The following DLGAP1 variants were observed in gnomAD, a reference collection of about 807,000 sequenced individuals.
The protein encoded by DLGAP1 is DLG associated protein 1.
DLGAP1 carries 11 observed loss-of-function variants against 90.8 expected under a neutral mutation model. That is an observed-to-expected ratio of 0.12 (90% CI 0.08 to 0.20). The LOEUF (loss-of-function observed/expected upper bound fraction) is 0.20. DLGAP1 is among the 10% of genes least tolerant of loss of function. The pLI is 1.00. For missense variants in DLGAP1, 1,050 were observed against 1,333.8 expected (o/e 0.79, Z 3.31); for synonymous variants, 558 against 540.7 (o/e 1.03, Z -0.44).
chr18:4,282,471 A>G (rs2079577891), intron 1 of DLGAP1, among the ~76,000 whole-genome samples: 1 of 152,134 alleles, frequency 6.6e-6, no homozygotes, highest in South Asian at 2.1e-4. Context: ...AACACATATT[A>G]TAATACATAA....
chr18:3,791,655 C>T (rs1460501215), intron 5 of DLGAP1, among the ~76,000 whole-genome samples: 3 of 152,154 alleles, frequency 2.0e-5, no homozygotes, highest in Non-Finnish European at 4.4e-5. Flanking sequence ...GCATTATACA[C>T]AGTCATGTAT....
At chr18:3,613,769 T>TG (rs2145929584) in intron 7 of DLGAP1, among the ~76,000 whole-genome samples, 1 of 152,354 alleles carries the variant, frequency 6.6e-6, no homozygotes, top group African/African-American at 2.4e-5. Flanking sequence ...AGTTTTATGC[T>TG]TCATTTTATT....
intron 1 of DLGAP1, among the ~76,000 whole-genome samples, chr18:4,441,912 G>A (rs912364410): frequency 4.6e-5 from 7 of 152,214 alleles, no homozygotes; most frequent in Non-Finnish European, 1.0e-4. Flanking sequence ...AGCGCTAACA[G>A]ACCTTCGTTC....
At chr18:3,511,566 A>C (rs1344509168) in intron 10 of DLGAP1, among the ~76,000 whole-genome samples, 6 of 152,070 alleles carry the variant, frequency 3.9e-5, no homozygotes, top group Non-Finnish European at 5.9e-5. Flanking sequence ...GAAAAAAAAA[A>C]AACAGTTGGC....
intron 1 of DLGAP1, among the ~76,000 whole-genome samples, chr18:4,412,957 G>A (rs1044278606): frequency 1.3e-5 from 2 of 152,180 alleles, no homozygotes; most frequent in African/African-American, 4.8e-5. Context: ...CAGATCGGAG[G>A]GGATGCTATT....
At chr18:4,221,720 C>T (rs529534064) in intron 1 of DLGAP1, among the ~76,000 whole-genome samples, 159 of 152,196 alleles carry the variant, frequency 1.0e-3, no homozygotes, top group Middle Eastern at 3.4e-3. Flanking sequence ...TTTTTTACTG[C>T]CTCATACTTT....
chr18:4,385,708 C>G (rs1241250111), intron 1 of DLGAP1, among the ~76,000 whole-genome samples: 2 of 152,082 alleles, frequency 1.3e-5, no homozygotes, highest in East Asian at 3.9e-4. Context: ...ACTTCTAAAA[C>G]AAGATACATA....
At chr18:3,745,329 T>C (rs2147741611) in intron 5 of DLGAP1, among the ~76,000 whole-genome samples, 1 of 152,266 alleles carries the variant, frequency 6.6e-6, no homozygotes, top group East Asian at 1.9e-4. Flanking sequence ...CACTTGAAAA[T>C]GGTGAATTAT....
intron 3 of DLGAP1, among the ~76,000 whole-genome samples, chr18:3,949,621 C>G (rs76325846): frequency 6.6e-6 from 1 of 151,974 alleles, no homozygotes; most frequent in Admixed American, 6.6e-5. Flanking sequence ...ACCAGCAGAG[C>G]GCCTCTTTGT....
intron 12 of DLGAP1, among the ~76,000 whole-genome samples, chr18:3,500,321 G>A (rs1285592784): frequency 1.3e-5 from 2 of 152,182 alleles, no homozygotes; most frequent in East Asian, 3.9e-4. Context: ...AGGATTTTTA[G>A]GCAAAGAAGG....
chr18:4,264,031 A>G (rs1383826923), intron 1 of DLGAP1, among the ~76,000 whole-genome samples: 2 of 152,350 alleles, frequency 1.3e-5, no homozygotes, highest in South Asian at 2.1e-4. Flanking sequence ...ATAAATATAA[A>G]TAAGTCATAT....
chr18:4,344,514 G>A (rs1195282183), intron 1 of DLGAP1, among the ~76,000 whole-genome samples: 7 of 152,206 alleles, frequency 4.6e-5, no homozygotes, highest in African/African-American at 1.2e-4. Context: ...AGAGTTTACA[G>A]ATGAGAAACT....
In DLGAP1 at chr18:3,646,637, T is replaced by C. The variant is rs551534795; in HGVS notation, c.1592-64389A>G. Among the ~76,000 whole-genome samples, 273 of 152,174 alleles carry C rather than the reference T, an allele frequency of 1.8e-3. 1 individual carries two copies. Among genetic ancestry groups the C allele is most frequent in the African/African-American group, 6.3e-3 (261 of 41,544 alleles). On this transcript the variant is annotated intron_variant, in intron 7 of 12. Transcript: ENST00000315677. ...ATGATCATTGCTCTTTAAAAAATAT[T>C]GTAACAGCCGGGCACGGTGGCTCAT...
chr18:4,198,223 AAAAT>A (rs938874322), intron 1 of DLGAP1, among the ~76,000 whole-genome samples: 8 of 152,310 alleles, frequency 5.3e-5, no homozygotes, highest in African/African-American at 1.4e-4. Flanking sequence ...TCTGTCTCAA[AAAAT>A]AAATAAATAA....
chr18:3,777,250 CG>C (rs2064978612), intron 5 of DLGAP1, among the ~76,000 whole-genome samples: 1 of 151,850 alleles, frequency 6.6e-6, no homozygotes, highest in African/African-American at 2.4e-5. Flanking sequence ...TGGCAGAGAG[CG>C]GGGAAAGGGT....
chr18:3,818,827 C>T (rs976069682), intron 4 of DLGAP1, among the ~76,000 whole-genome samples: 1 of 151,490 alleles, frequency 6.6e-6, no homozygotes, highest in Non-Finnish European at 1.5e-5. Context: ...AACTCCTGAC[C>T]TCATGATCTG....
At chr18:4,087,069 T>TATATACGCATATG (rs2075695195) in intron 2 of DLGAP1, among the ~76,000 whole-genome samples, 3 of 83,244 alleles carry the variant, frequency 3.6e-5, no homozygotes, top group African/African-American at 1.5e-4. Flanking sequence ...ATACACACAC[T>TATATACGCATATG]TATATATACA....
chr18:3,581,156 T>A (rs2055486537), intron 8 of DLGAP1, among the ~76,000 whole-genome samples: 1 of 152,172 alleles, frequency 6.6e-6, no homozygotes, highest in South Asian at 2.1e-4. Flanking sequence ...AGCCCTGTTT[T>A]CCTGCAGACA....
intron 2 of DLGAP1, among the ~76,000 whole-genome samples, chr18:4,057,491 A>G (rs545328904): frequency 6.6e-6 from 1 of 152,308 alleles, no homozygotes; most frequent in East Asian, 1.9e-4. Flanking sequence ...ATCAGGGGAG[A>G]AGGATCGCAA....
Sources: gnomAD v4.1 joint callset for allele counts (sites outside exome capture counted in the v4.1 genomes callset) on GRCh38, gnomAD v4.1.1 for gene constraint, MANE v1.5 for transcripts, NCBI Gene and HGNC (gene_info 2026-07-23, HGNC 2026-07-21) for gene names.